Variants in CFAP70 observed in about 807,000 individuals in gnomAD.
CFAP70 encodes the protein cilia- and flagella-associated protein 70.
A neutral mutation model predicts 137.6 loss-of-function variants in CFAP70; 81 were observed. The observed-to-expected ratio is 0.59, with a 90% CI of 0.49 to 0.71. CFAP70 has a LOEUF of 0.71. Among genes scored for constraint, CFAP70 ranks in the 30% least tolerant of loss-of-function variants. The probability of loss-of-function intolerance (pLI) is 0.00; values close to 1 mark genes in which losing one functional copy is unlikely to be tolerated. For synonymous variants in CFAP70, 382 were observed against 423.6 expected (o/e 0.90, Z 1.20); for missense variants, 976 against 1,226.7 (o/e 0.80, Z 3.05).
chr10:73,267,693 T>G lies in CFAP70; in HGVS notation c.3027+1921A>C, dbSNP rs115817076. ...TCACATTTTCCATAGATCAGAAGCC[T>G]GACATTATTCAACTAGTTCTTTGCT... On this transcript the variant is annotated intron_variant, in intron 25 of 26. Coordinates refer to ENST00000310715, the Ensembl canonical transcript of CFAP70. 7.8e-3 allele frequency among the ~76,000 whole-genome samples: 1,181 copies of G among 152,346 alleles called. 13 individuals are homozygous for G. The highest frequency in any genetic ancestry group is 0.027 in the African/African-American group (1,115 of 41,572).
chr10:73,289,335 G>C (rs2047988852), intron 19 of CFAP70, among the ~76,000 whole-genome samples: 1 of 151,818 alleles, frequency 6.6e-6, no homozygotes, highest in South Asian at 2.1e-4. Flanking sequence ...GCCCAGGCTG[G>C]AGTGCAGTGG....
intron 4 of CFAP70, among the ~76,000 whole-genome samples, chr10:73,347,232 A>G (rs936338022): frequency 6.6e-6 from 1 of 152,152 alleles, no homozygotes. Flanking sequence ...AGCAATCTGG[A>G]CCTTAACTTG....
At chr10:73,338,922 C>CT (rs879821090) in intron 6 of CFAP70, among the ~76,000 whole-genome samples, 7,819 of 138,290 alleles carry the variant, frequency 0.057, 670 homozygotes, top group African/African-American at 0.18. Context: ...GATCACTATA[C>CT]TTTTTTTTTT....
chr10:73,305,110 C>A (rs2049276988), intron 12 of CFAP70, among the ~76,000 whole-genome samples: 1 of 152,200 alleles, frequency 6.6e-6, no homozygotes. Flanking sequence ...CAGAGCAGAC[C>A]TTATTCTCAA....
At chr10:73,314,202 T>C (rs1218588268) in intron 9 of CFAP70, among the ~76,000 whole-genome samples, 2 of 151,958 alleles carry the variant, frequency 1.3e-5, no homozygotes, top group Non-Finnish European at 2.9e-5. Context: ...ACAAAAAACT[T>C]TGGGGGGTAA....
intron 12 of CFAP70, among the ~76,000 whole-genome samples, chr10:73,308,765 C>A (rs994423566): frequency 3.0e-5 from 4 of 131,310 alleles, no homozygotes; most frequent in East Asian, 4.4e-4. Flanking sequence ...AAAATTTAAG[C>A]AACACATTCA....
At chr10:73,279,457 G>A (rs1331828384) in intron 19 of CFAP70, among the ~76,000 whole-genome samples, 1 of 151,730 alleles carries the variant, frequency 6.6e-6, no homozygotes, top group Admixed American at 6.6e-5. Flanking sequence ...CCGGGAGGCA[G>A]AGCTTGCAGT....
chr10:73,302,883 C>CTTTTCTTTTTT (rs545853627), intron 12 of CFAP70, among the ~76,000 whole-genome samples: 8 of 131,000 alleles, frequency 6.1e-5, no homozygotes, highest in South Asian at 4.9e-4. Flanking sequence ...CTTTTCTTTT[C>CTTTTCTTTTTT]TTTTTTTTTT....
exon 27 of CFAP70, chr10:73,254,038 C>A: frequency 1.3e-6 from 2 of 1,582,994 alleles, no homozygotes; most frequent in South Asian, 1.1e-5. Context: ...CAAGCAGAGC[C>A]TCATCTTTCA....
chr10:73,259,176 C>G (rs538668539), intron 25 of CFAP70, among the ~76,000 whole-genome samples: 3 of 152,136 alleles, frequency 2.0e-5, no homozygotes, highest in Non-Finnish European at 4.4e-5. Context: ...TTTAAAATTT[C>G]TCCTTTTTGT....
In CFAP70 at chr10:73,317,308, G is replaced by A. The variant is rs189977806; in HGVS notation, c.913-4665C>T. 1.2e-3 allele frequency among the ~76,000 whole-genome samples: 184 copies of A among 152,236 alleles called. 1 individual carries two copies. The highest frequency in any genetic ancestry group is 5.0e-3 in the Admixed American group (77 of 15,294). The stretch of plus-strand genomic sequence containing the variant: ...GCTGGGATTACAGGCATGAGCCACC[G>A]CACCCAGCCCTGCCTTTGTTTTTGG... On this transcript the variant is annotated intron_variant, in intron 9 of 26. Coordinates refer to ENST00000310715, the Ensembl canonical transcript of CFAP70.
At chr10:73,298,926 G>A (rs769221736) in exon 14 of CFAP70, 2 of 1,613,838 alleles carry the variant, frequency 1.2e-6, no homozygotes, top group South Asian at 2.2e-5. Flanking sequence ...TTCTTTGAAA[G>A]CAAAGTATTT....
Position 73,274,502 on chromosome 10 carries a change from A to G in CFAP70, c.2766T>C (p.Phe922=), listed in dbSNP as rs768165143. 1.4e-5 allele frequency: 22 copies of G among 1,614,068 alleles called. No homozygotes were observed. In the South Asian group the frequency reaches 2.2e-4, roughly 16 times the overall value. Residue 922 remains phenylalanine, a synonymous_variant, in exon 23 of 27, where the codon TTT becomes TTC. Coordinates refer to ENST00000310715, the Ensembl canonical transcript of CFAP70. ...AGTGCATCTCAGAAGCATCCACTAC[A>G]AAGCTAATGGTTCGTTCATAGCATG... is the stretch of plus-strand genomic sequence containing the variant.
At chr10:73,324,835 G>A (rs1482874189) in intron 8 of CFAP70, among the ~76,000 whole-genome samples, 1 of 152,238 alleles carries the variant, frequency 6.6e-6, no homozygotes, top group African/African-American at 2.4e-5. Flanking sequence ...ATGGGACTAT[G>A]TGAAAAGACC....
intron 8 of CFAP70, 129 bp from the exon 10 acceptor site, chr10:73,323,226 T>C (rs1333115136): frequency 2.6e-6 from 2 of 780,792 alleles, no homozygotes; most frequent in African/African-American, 1.8e-5. Flanking sequence ...TATGTGACTT[T>C]GGGCCAGTTA....
intron 6 of CFAP70, 33 bp downstream of exon 7, chr10:73,341,366 T>C: frequency 4.5e-6 from 7 of 1,558,482 alleles, no homozygotes; most frequent in Non-Finnish European, 6.1e-6. Flanking sequence ...GTACACTAAG[T>C]TTATCACAAA....
rs536056188 is a variant in CFAP70 at position 73,274,681 on chromosome 10, T to C, written c.2674-87A>G. 21 of 1,229,642 alleles carry C rather than the reference T, an allele frequency of 1.7e-5. No individual in the cohort carries two copies. In the East Asian group the frequency reaches 2.6e-4, roughly 15 times the overall value. The allele number at this position is 1,229,642 out of a possible 1,614,324, so 76.2% of individuals were successfully genotyped here. On this transcript the variant is annotated intron_variant, in intron 22 of 26. Transcript: ENST00000310715. ...TCTTTGTTTAACATTTAAATTTAGA[T>C]AGATTGTCCATTTCCTTTCTCTTTT...
chr10:73,357,949 A>G (rs1589625518), intron 1 of CFAP70, among the ~76,000 whole-genome samples: 1 of 152,338 alleles, frequency 6.6e-6, no homozygotes, highest in Admixed American at 6.5e-5. Flanking sequence ...CCTGTTTATG[A>G]AGACTGGGTA....
At chr10:73,287,046 G>A (rs1332208909) in intron 19 of CFAP70, among the ~76,000 whole-genome samples, 1 of 152,224 alleles carries the variant, frequency 6.6e-6, no homozygotes, top group Non-Finnish European at 1.5e-5. Context: ...CAGCATGGGC[G>A]TTGTGGCCAT....
Sources: allele counts gnomAD v4.1 joint callset (sites outside exome capture counted in the v4.1 genomes callset), GRCh38; gene constraint gnomAD v4.1.1; transcripts MANE v1.5; gene names NCBI Gene and HGNC (gene_info 2026-07-23, HGNC 2026-07-21).